SPTAN1: variants seen among roughly 807,000 people sequenced by gnomAD.
SPTAN1 encodes spectrin alpha chain, non-erythrocytic 1.
In SPTAN1, 61 loss-of-function variants were observed where a neutral mutation model predicts 331.3. That is an observed-to-expected ratio of 0.18 (90% CI 0.15 to 0.23). SPTAN1 has a LOEUF of 0.23. Among genes scored for constraint, SPTAN1 ranks in the 10% least tolerant of loss-of-function variants. The pLI, the probability that SPTAN1 is intolerant of heterozygous loss-of-function variation, is 1.00. For missense variants in SPTAN1, 2,043 were observed against 3,147.9 expected (o/e 0.65, Z 8.40); for synonymous variants, 1,153 against 1,173.9 (o/e 0.98, Z 0.36).
rs1857083012 is a variant in SPTAN1, at chr9:128,615,720, C to G, written c.5237C>G (p.Thr1746Ser). Residue 1746 changes from threonine (T) to serine (S), a missense_variant, in exon 41 of 57, where the codon ACC becomes AGC. Physicochemically the swap from Thr to Ser is moderately conservative, Grantham distance 58. Around this residue, in one of 12 missense-constraint regions of SPTAN1, gnomAD observed 323 missense variants for 581.1 expected, o/e 0.56. Coordinates refer to ENST00000372739, the MANE Select transcript of SPTAN1 (RefSeq NM_001130438.3). ...DTSQVKDKRD[T>S]INGRFQKIKS... ...TCCCAAGTAAAGGACAAGAGGGACA[C>G]CATCAACGGGCGCTTCCAGAAGATC... 1 of 1,614,222 alleles carries G rather than the reference C, an allele frequency of 6.2e-7. No homozygotes were observed. The highest frequency in any genetic ancestry group is 2.2e-5 in the East Asian group (1 of 44,870).
At chr9:128,630,243 C>A in intron 51 of SPTAN1, 78 bp from the exon 52 acceptor site, 1 of 1,519,638 alleles carries the variant, frequency 6.6e-7, no homozygotes, top group South Asian at 1.1e-5. Flanking sequence ...AGGCATTGCT[C>A]TCTCTGAGAG....
chr9:128,567,631 C>G lies in SPTAN1; in HGVS notation c.237+654C>G, dbSNP rs549268133. Among the ~76,000 whole-genome samples, 10 of 151,794 alleles carry G rather than the reference C, an allele frequency of 6.6e-5. No individual in the cohort carries two copies. In the East Asian group the frequency reaches 9.7e-4, roughly 15 times the overall value. ...GAAGGCATAATAGTGATGTTGCTGG[C>G]AAAAATTTATAGTTATTCTGGAGTC... On this transcript the variant is annotated intron_variant, in intron 2 of 56. Transcript: ENST00000372739.
intron 51 of SPTAN1, 166 bp downstream of exon 51, chr9:128,628,108 CCCCATAG>C (rs758075445): frequency 2.3e-5 from 21 of 898,540 alleles, no homozygotes; most frequent in Middle Eastern, 4.2e-4. Context: ...GTGTGCCTTG[CCCCATAG>C]CCCATGGTCC....
At chr9:128,590,568 A>AG (rs1401196077) in intron 21 of SPTAN1, among the ~76,000 whole-genome samples, 4 of 147,832 alleles carry the variant, frequency 2.7e-5, no homozygotes, top group Non-Finnish European at 4.5e-5. Context: ...AAAAAAAAAA[A>AG]GGGCCAGGCG....
chr9:128,580,280 C>A (rs1373280800), intron 10 of SPTAN1, among the ~76,000 whole-genome samples: 1 of 147,128 alleles, frequency 6.8e-6, no homozygotes, highest in Non-Finnish European at 1.5e-5. Context: ...GACCCTGTCT[C>A]TAAAAAAAAA....
At position 128,587,697 on chromosome 9, in the gene SPTAN1, G is replaced by C. The variant is rs371231421; in HGVS notation, c.2870G>C (p.Arg957Pro). Residue 957 changes from arginine to proline, a missense_variant and splice_region_variant, in exon 20 of 57, where the codon CGG becomes CCG. Around this residue, in one of 12 missense-constraint regions of SPTAN1, gnomAD observed 1,038 missense variants for 1,531.5 expected, o/e 0.68. Transcript: ENST00000372739. ...TTGCGAGAACAAGCACAGTCCTGCC[G>C]GGTAAACTTGTAACAGTTTATGGGT... ...QALREQAQSC[R>P]QQVAPTDDET... is the part of the protein sequence containing the mutation. 3 of 1,613,838 alleles carry C rather than the reference G, an allele frequency of 1.9e-6. No individual in the cohort carries two copies. Among genetic ancestry groups the C allele is most frequent in the Admixed American group, 3.3e-5 (2 of 59,988 alleles).
At chr9:128,574,557 T>C (rs528905272) in intron 3 of SPTAN1, 118 bp from the exon 4 acceptor site, 76 of 1,205,992 alleles carry the variant, frequency 6.3e-5, no homozygotes, top group Non-Finnish European at 8.5e-5. Flanking sequence ...GGATTATCTT[T>C]TAAAAATATT....
intron 44 of SPTAN1, 44 bp downstream of exon 44, chr9:128,619,047 A>G (rs1857530991): frequency 2.5e-6 from 4 of 1,612,040 alleles, no homozygotes; most frequent in East Asian, 2.2e-5. Context: ...TCTCTTGGCA[A>G]CTGCCTGCTG....
intron 46 of SPTAN1, 60 bp downstream of exon 46, chr9:128,624,547 G>A (rs1219646125): frequency 1.3e-5 from 20 of 1,588,162 alleles, no homozygotes; most frequent in Non-Finnish European, 1.5e-5. Context: ...GTCTCCTTCC[G>A]TGTCATTGGT....
intron 31 of SPTAN1, among the ~76,000 whole-genome samples, chr9:128,607,026 A>G (rs57656057): frequency 8.5e-4 from 129 of 152,254 alleles, no homozygotes; most frequent in African/African-American, 2.8e-3. Flanking sequence ...TCTTCTGGAC[A>G]TGTCATATAA....
In SPTAN1 at chr9:128,617,741, C is replaced by T; in HGVS notation, c.5459C>T (p.Ala1820Val). 4 of 1,614,026 alleles carry T rather than the reference C, an allele frequency of 2.5e-6. No homozygotes were observed. The highest frequency in any genetic ancestry group is 2.5e-6 in the Non-Finnish European group (3 of 1,180,006). The change falls in exon 42 of 57, where the codon GCG becomes GTG. Residue 1820 changes from alanine (A) to valine (V), a missense_variant. Ala to Val is a moderately conservative substitution (Grantham distance 64). Coordinates refer to ENST00000372739, the MANE Select transcript of SPTAN1 (RefSeq NM_001130438.3). ...KHKRLEAELAAHEPAIQGVLD... is the reference protein window; with the variant it reads ...KHKRLEAELAVHEPAIQGVLD... ...AAGCGGCTGGAAGCAGAACTGGCTG[C>T]GCATGAGCCGGCTATTCAGGTAAGG...
rs950828595 is a variant in SPTAN1, at chr9:128,630,694, A to ATT, written c.6762+323_6762+324dup. 9.7e-6 allele frequency: 3 copies of ATT among 310,764 alleles called. No individual in the cohort carries two copies. In the East Asian group the frequency reaches 2.3e-4, roughly 24 times the overall value. The allele number at this position is 310,764 out of a possible 1,614,324, so 19.3% of individuals were successfully genotyped here. On this transcript the variant is annotated intron_variant, in intron 52 of 56. Coordinates refer to ENST00000372739, the MANE Select transcript of SPTAN1 (RefSeq NM_001130438.3). ...AGATGTGTGCCACCACATTTGGCTA[A>ATT]TTTTTGTTTATTTTTAATTATCTTT...
intron 1 of SPTAN1, among the ~76,000 whole-genome samples, chr9:128,554,742 C>CGGA (rs916735510): frequency 1.3e-5 from 2 of 152,172 alleles, no homozygotes; most frequent in Admixed American, 6.5e-5. Context: ...TCCAGGAATG[C>CGGA]GGAGGAGGAG....
chr9:128,628,160 C>T, intron 51 of SPTAN1: 5 of 726,894 alleles, frequency 6.9e-6, no homozygotes, highest in Non-Finnish European at 1.2e-5. Context: ...CCAGGGGGAG[C>T]CGTCCTTGCC....
chr9:128,568,975 G>C (rs1850353767), intron 3 of SPTAN1, 78 bp downstream of exon 3: 2 of 1,598,432 alleles, frequency 1.3e-6, no homozygotes, highest in Admixed American at 3.4e-5. Context: ...TGTCAGTTTG[G>C]GTTCCCAAAA....
rs940481627 is a variant in SPTAN1 at position 128,624,319 on chromosome 9, A to G, written c.5833-9A>G. 1 of 1,613,812 alleles carries G rather than the reference A, an allele frequency of 6.2e-7. No individual in the cohort carries two copies. The highest frequency in any genetic ancestry group is 8.5e-7 in the Non-Finnish European group (1 of 1,179,972). On this transcript the variant is annotated splice_polypyrimidine_tract_variant and intron_variant, in intron 45 of 56. Coordinates refer to ENST00000372739, the MANE Select transcript of SPTAN1 (RefSeq NM_001130438.3). The stretch of plus-strand genomic sequence containing the variant: ...GGCTGACCAGTGTGTGCCTCTCTCC[A>G]TGGCCTAGAACAATCACCATGAGGA...
chr9:128,566,502 G>A (rs1000458102), intron 1 of SPTAN1, among the ~76,000 whole-genome samples: 4 of 152,184 alleles, frequency 2.6e-5, no homozygotes, highest in Non-Finnish European at 5.9e-5. Flanking sequence ...CTTGCCGTGT[G>A]TGGGTTAGGC....
rs181176570 is a variant in SPTAN1 at position 128,633,632 on chromosome 9, A to G, written c.*298A>G. ...CCCTCCCCCAAATCTGTTTTCATGT[A>G]AAAGACAAATAAATGATGACTTCCC... On this transcript the variant is annotated 3_prime_UTR_variant, in exon 57 of 57. Transcript: ENST00000372739. 299 of 1,331,046 alleles carry G rather than the reference A, an allele frequency of 2.2e-4. No homozygotes were observed. In the African/African-American group the frequency reaches 4.0e-3, roughly 18 times the overall value. 82.5% of individuals were successfully genotyped at this position (1,331,046 alleles called of 1,614,324 possible).
chr9:128,555,768 A>C lies in SPTAN1; in HGVS notation c.-4+3072A>C, dbSNP rs569718670. On this transcript the variant is annotated intron_variant, in intron 1 of 56. Transcript: ENST00000372739. Reference sequence around the variant, plus strand: ...TTGGTTTTTAAGAACCAAGGGACTAAACATATTATCCTAGATATTTGGAGA... The same window carrying C: ...TTGGTTTTTAAGAACCAAGGGACTACACATATTATCCTAGATATTTGGAGA... 3.9e-5 allele frequency among the ~76,000 whole-genome samples: 6 copies of C among 152,222 alleles called. No homozygotes were observed. In the East Asian group the frequency reaches 1.2e-3, roughly 29 times the overall value.
Sources: allele counts gnomAD v4.1 joint callset (sites outside exome capture counted in the v4.1 genomes callset), GRCh38; gene constraint gnomAD v4.1.1; regional missense constraint gnomAD v4.1.1; transcripts MANE v1.5; gene names NCBI Gene and HGNC (gene_info 2026-07-23, HGNC 2026-07-21).